ELP3: variants seen among roughly 807,000 people sequenced by gnomAD.
The protein encoded by ELP3 is elongator complex protein 3.
ELP3 carries 56 observed loss-of-function variants against 74.9 expected under a neutral mutation model. The observed-to-expected ratio is 0.75, with a 90% CI of 0.60 to 0.93. ELP3 has a LOEUF of 0.93. Among genes scored for constraint, ELP3 ranks in the 40% least tolerant of loss-of-function variants. ELP3 has a pLI of 0.00. For synonymous variants in ELP3, 222 were observed against 239.8 expected, an observed-to-expected ratio of 0.93 and a Z score of 0.68; for missense variants, 573 against 686.5, an observed-to-expected ratio of 0.83 and a Z score of 1.85.
At position 28,189,540 on chromosome 8, in the gene ELP3, G is replaced by A. The variant is rs1303799350; in HGVS notation, c.1568-109G>A. ...TATTAAGCTGAGATTTTATGTGGGAGAGAATTTGGTCTCTGGGTGGGAGAG... is the reference window on the plus strand; with the variant it reads ...TATTAAGCTGAGATTTTATGTGGGAAAGAATTTGGTCTCTGGGTGGGAGAG... On this transcript the variant is annotated intron_variant, in intron 14 of 14. Coordinates refer to ENST00000256398, the MANE Select transcript of ELP3 (RefSeq NM_018091.6). 5 of 901,260 alleles carry A rather than the reference G, an allele frequency of 5.5e-6. No individual in the cohort carries two copies. The African/African-American group carries it at 8.3e-5, about 15-fold the overall frequency. The allele number at this position is 901,260 out of a possible 1,614,324, so 55.8% of individuals were successfully genotyped here. A position where few individuals can be genotyped will look rare whatever the true frequency, so the allele number is the denominator to read the frequency against.
At chr8:28,102,891 C>T (rs1381715517) in intron 3 of ELP3, among the ~76,000 whole-genome samples, 2 of 152,130 alleles carry the variant, frequency 1.3e-5, no homozygotes, top group Non-Finnish European at 2.9e-5. Flanking sequence ...TATTTGTGGC[C>T]GGGCGCAGTG....
At chr8:28,120,890 G>A (rs906663288) in intron 7 of ELP3, among the ~76,000 whole-genome samples, 1 of 152,142 alleles carries the variant, frequency 6.6e-6, no homozygotes, top group African/African-American at 2.4e-5. Flanking sequence ...TCATCGATCT[G>A]TTTTTCAATC....
At chr8:28,160,100 A>C in intron 12 of ELP3, 129 bp from the exon 13 acceptor site, 1 of 822,840 alleles carries the variant, frequency 1.2e-6, no homozygotes, top group Non-Finnish European at 1.9e-6. Context: ...AAGTAAAAAG[A>C]AACATAATTA....
intron 7 of ELP3, among the ~76,000 whole-genome samples, chr8:28,115,717 T>C (rs1288187120): frequency 1.3e-5 from 2 of 152,210 alleles, no homozygotes; most frequent in African/African-American, 4.8e-5. Flanking sequence ...AAATCCCAGG[T>C]AGCTTTGCTT....
In ELP3 at chr8:28,156,024, G is replaced by A. The variant is rs373841521; in HGVS notation, c.1183G>A (p.Gly395Arg). The A allele has an allele frequency of 1.2e-5, 20 of 1,613,110 alleles. No homozygotes were observed. The highest frequency in any genetic ancestry group is 8.9e-5 in the East Asian group (4 of 44,866). ...ELALARMKDLGIQCRDVRTRE... is the reference protein window; with the variant it reads ...ELALARMKDLRIQCRDVRTRE... ...GGCACTTGCAAGAATGAAAGACCTCGGAATACAGGTAAGAGCAAATATGGC... is the reference window on the plus strand; with the variant it reads ...GGCACTTGCAAGAATGAAAGACCTCAGAATACAGGTAAGAGCAAATATGGC... The change falls in exon 11 of 15, where the codon GGA becomes AGA. Residue 395 changes from glycine to arginine, a missense_variant. Transcript: ENST00000256398.
At chr8:28,136,737 T>A (rs1297633649) in intron 9 of ELP3, among the ~76,000 whole-genome samples, 4 of 152,214 alleles carry the variant, frequency 2.6e-5, no homozygotes, top group African/African-American at 4.8e-5. Context: ...TTTTCCAGTT[T>A]ACAAGATAGA....
At chr8:28,095,106 C>A (rs1811202984) in intron 1 of ELP3, among the ~76,000 whole-genome samples, 2 of 152,198 alleles carry the variant, frequency 1.3e-5, no homozygotes, top group Non-Finnish European at 2.9e-5. Flanking sequence ...TTAGGCTGTG[C>A]TGTTTCACAC....
intron 14 of ELP3, among the ~76,000 whole-genome samples, chr8:28,169,814 G>T (rs907889433): frequency 6.6e-6 from 1 of 152,178 alleles, no homozygotes. Context: ...GGAGCTGAAG[G>T]ATCCCCTCCC....
At chr8:28,145,007 A>C (rs1160157200) in intron 10 of ELP3, among the ~76,000 whole-genome samples, 2 of 152,232 alleles carry the variant, frequency 1.3e-5, no homozygotes, top group African/African-American at 4.8e-5. Flanking sequence ...GTGCCACTGC[A>C]CTCAGCCTGG....
chr8:28,159,302 T>G (rs1029807669), intron 12 of ELP3, among the ~76,000 whole-genome samples: 1 of 152,268 alleles, frequency 6.6e-6, no homozygotes, highest in African/African-American at 2.4e-5. Context: ...TGCATTGATA[T>G]TTCTGTTCTC....
intron 11 of ELP3, among the ~76,000 whole-genome samples, chr8:28,156,346 C>T (rs1279457856): frequency 1.3e-5 from 2 of 152,108 alleles, no homozygotes; most frequent in East Asian, 1.9e-4. Context: ...GAAAAGGAGA[C>T]GTGAATCCTG....
intron 14 of ELP3, among the ~76,000 whole-genome samples, chr8:28,186,721 A>G (rs1048826784): frequency 9.2e-5 from 14 of 152,192 alleles, no homozygotes; most frequent in Non-Finnish European, 2.1e-4. Context: ...GTAGGGCTGC[A>G]TGTGCCAGCT....
chr8:28,133,308 A>G (rs1457841332), intron 9 of ELP3, among the ~76,000 whole-genome samples: 2 of 152,012 alleles, frequency 1.3e-5, no homozygotes, highest in Non-Finnish European at 2.9e-5. Context: ...GTATTAGTTT[A>G]TATGAATTTT....
At position 28,113,103 on chromosome 8, in the gene ELP3, G is replaced by C; in HGVS notation, c.547G>C (p.Asp183His). Residue 183 changes from aspartate (D) to histidine (H), a missense_variant, in exon 7 of 15, where the codon GAT becomes CAT. Coordinates refer to ENST00000256398, the MANE Select transcript of ELP3 (RefSeq NM_018091.6). ...TATGGCCCTTCCAGAAGAATACAGA[G>C]ATTATTTTATTCGAAATTTACATGA... ...TFMALPEEYR[D>H]YFIRNLHDAL... 1 of 1,613,928 alleles carries C rather than the reference G, an allele frequency of 6.2e-7. No homozygotes were observed. The highest frequency in any genetic ancestry group is 8.5e-7 in the Non-Finnish European group (1 of 1,179,922).
At chr8:28,127,493 T>C (rs1812625592) in intron 7 of ELP3, among the ~76,000 whole-genome samples, 1 of 152,216 alleles carries the variant, frequency 6.6e-6, no homozygotes, top group Non-Finnish European at 1.5e-5. Context: ...TTGGTACTTT[T>C]TTTTCAACCT....
At chr8:28,175,170 T>C (rs117398022) in intron 14 of ELP3, among the ~76,000 whole-genome samples, 1 of 152,332 alleles carries the variant, frequency 6.6e-6, no homozygotes, top group East Asian at 1.9e-4. Context: ...AATGTATAGA[T>C]TCATGTCTTT....
At chr8:28,127,608 C>T (rs574176140) in intron 7 of ELP3, among the ~76,000 whole-genome samples, 2 of 152,216 alleles carry the variant, frequency 1.3e-5, no homozygotes, top group Middle Eastern at 3.4e-3. Flanking sequence ...TGTTACGTCT[C>T]TCCTGTGGCA....
At chr8:28,145,330 C>T (rs977146716) in intron 10 of ELP3, among the ~76,000 whole-genome samples, 5 of 152,232 alleles carry the variant, frequency 3.3e-5, no homozygotes, top group Admixed American at 6.5e-5. Context: ...AGTTAAGCAC[C>T]CTGACTCTGT....
rs373954614 is a variant in ELP3 at position 28,132,416 on chromosome 8, T to G, written c.906+12T>G. The G allele has an allele frequency of 1.1e-5, 17 of 1,613,902 alleles. No homozygotes were observed. The highest frequency in any genetic ancestry group is 1.4e-5 in the Non-Finnish European group (17 of 1,179,930). On this transcript the variant is annotated intron_variant, in intron 9 of 14. Coordinates refer to ENST00000256398, the MANE Select transcript of ELP3 (RefSeq NM_018091.6). ...TTGAACAGTTCACAGTAAGTGTGAC[T>G]TCAGCCAGGCGCATTCAGAATGGCT...
Sources: allele counts gnomAD v4.1 joint callset (sites outside exome capture counted in the v4.1 genomes callset), GRCh38; gene constraint gnomAD v4.1.1; transcripts MANE v1.5; gene names NCBI Gene and HGNC (gene_info 2026-07-23, HGNC 2026-07-21).